CHD1L: variants seen among roughly 807,000 people sequenced by gnomAD.
CHD1L encodes the protein ATP-dependent chromatin remodeler CHD1L.
CHD1L carries 118 observed loss-of-function variants against 115.9 expected under a neutral mutation model. The ratio of observed to expected loss-of-function variants is 1.02; its 90% CI spans 0.88 to 1.19. The LOEUF is 1.19. Among genes scored for constraint, CHD1L ranks in the 50% most tolerant of loss-of-function variants. The pLI is 0.00. For synonymous variants in CHD1L, 411 were observed against 387.1 expected (o/e 1.06, Z -0.72); for missense variants, 1,179 against 1,065.3 (o/e 1.11, Z -1.49).
chr1:147,237,874 A>G (rs1049873690), upstream of CHD1L, among the ~76,000 whole-genome samples: 10 of 152,176 alleles, frequency 6.6e-5, no homozygotes, highest in Non-Finnish European at 1.0e-4. Context: ...AAGCAAAAAG[A>G]CCGTGGGCAA....
At chr1:147,287,805 A>G in intron 19 of CHD1L, 72 bp downstream of exon 19, 2 of 1,215,790 alleles carry the variant, frequency 1.6e-6, no homozygotes, top group Non-Finnish European at 2.4e-6. Flanking sequence ...CTGTATCGTG[A>G]GGGTTACACA....
chr1:147,198,368 C>T, the CHD1L span, among the ~76,000 whole-genome samples: 5,610 of 152,052 alleles, frequency 0.037, 155 homozygotes, highest in South Asian at 0.095. Context: ...CACTATATTA[C>T]AAAGGGAGGG....
chr1:147,283,033 C>G (rs892852605), intron 15 of CHD1L, among the ~76,000 whole-genome samples: 3 of 152,182 alleles, frequency 2.0e-5, no homozygotes, highest in Non-Finnish European at 4.4e-5. Flanking sequence ...AGACTAGTAA[C>G]TAACGTGGCC....
rs1671359709 is a variant in CHD1L, at chr1:147,259,929, A to C, written c.576+11A>C. The C allele has an allele frequency of 6.2e-7, 1 of 1,603,124 alleles. No individual in the cohort carries two copies. The highest frequency in any genetic ancestry group is 1.7e-5 in the Admixed American group (1 of 58,560). On this transcript the variant is annotated intron_variant, in intron 6 of 22. Coordinates refer to ENST00000369258, the MANE Select transcript of CHD1L (RefSeq NM_004284.6). ...AAGACCTTGTCAGAGGTAAACTTACAGTGTAGCCTTAGTTTTTATATAACC... is the reference window on the plus strand; with the variant it reads ...AAGACCTTGTCAGAGGTAAACTTACCGTGTAGCCTTAGTTTTTATATAACC...
In CHD1L at chr1:147,275,208, G is replaced by A. The variant is rs74121879; in HGVS notation, c.1271-146G>A. On this transcript the variant is annotated intron_variant, in intron 12 of 22. Transcript: ENST00000369258. ...CTCACCGCTGGAACAAGGCTTTGGA[G>A]TTAGGGGTGTGGGTCCATTTGAAGG... The A allele has an allele frequency of 5.1e-3, 3,401 of 663,126 alleles. 103 individuals carry two copies. In the African/African-American group the frequency reaches 0.055, roughly 11 times the overall value. 41.1% of individuals were successfully genotyped at this position (663,126 alleles called of 1,614,324 possible).
chr1:147,189,960 A>C, the CHD1L span, among the ~76,000 whole-genome samples: 1 of 152,090 alleles, frequency 6.6e-6, no homozygotes, highest in Non-Finnish European at 1.5e-5. Flanking sequence ...TAAACATATG[A>C]TTTTAGACAC....
At chr1:147,228,949 TTC>T in the CHD1L span, among the ~76,000 whole-genome samples, 2 of 152,062 alleles carry the variant, frequency 1.3e-5, no homozygotes, top group Non-Finnish European at 2.9e-5. Context: ...TTTTCTCCCA[TTC>T]GGTAGGTTGC....
At position 147,252,656 on chromosome 1, in the gene CHD1L, T is replaced by A. The variant is rs587755825; in HGVS notation, c.161T>A (p.Val54Glu). 7 of 1,613,912 alleles carry A rather than the reference T, an allele frequency of 4.3e-6. No individual in the cohort carries two copies. Among genetic ancestry groups the A allele is most frequent in the Non-Finnish European group, 5.9e-6 (7 of 1,180,016 alleles). ...CTACGCTCTTACCAGCTGGAGGGAG[T>A]AAACTGGCTCGCCCAGCGCTTCCAT... ...IHLRSYQLEGVNWLAQRFHCQ... is the reference protein window; with the variant it reads ...IHLRSYQLEGENWLAQRFHCQ... Residue 54 changes from valine (V) to glutamate (E), a missense_variant, in exon 2 of 23, where the codon GTA becomes GAA. Physicochemically the swap from Val to Glu is moderately radical, Grantham distance 121. Transcript: ENST00000369258.
chr1:147,242,657 A>T, upstream of CHD1L: 1 of 1,259,700 alleles, frequency 7.9e-7, no homozygotes, highest in Non-Finnish European at 1.0e-6. Flanking sequence ...GGAAGTTGGG[A>T]GGGAGGTGCG....
At position 147,287,691 on chromosome 1, in the gene CHD1L, G is replaced by A. The variant is rs782687350; in HGVS notation, c.2278G>A (p.Ala760Thr). Reference protein sequence around the residue: ...GLFTALEKRSAEPRKIYELAG... With the variant: ...GLFTALEKRSTEPRKIYELAG... The stretch of plus-strand genomic sequence containing the variant: ...ATTTACAGCTCTGGAAAAGCGATCC[G>A]CTGAGCCAAGAAAAATATATGAGCT... The change falls in exon 19 of 23, where the codon GCT becomes ACT. Residue 760 changes from alanine to threonine, a missense_variant. Ala to Thr is a moderately conservative substitution (Grantham distance 58). Transcript: ENST00000369258. 4.2e-5 allele frequency: 67 copies of A among 1,613,878 alleles called. No individual in the cohort carries two copies. The highest frequency in any genetic ancestry group is 8.0e-5 in the African/African-American group (6 of 74,884).
chr1:147,254,992 A>G lies in CHD1L; in HGVS notation c.347+16A>G, dbSNP rs1669610456. 2.6e-6 allele frequency: 4 copies of G among 1,528,174 alleles called. No individual in the cohort carries two copies. The highest frequency in any genetic ancestry group is 1.4e-5 in the African/African-American group (1 of 71,360). 94.7% of individuals were successfully genotyped at this position (1,528,174 alleles called of 1,614,324 possible). ...AAATGCAGAGGTACAGAGTAGATGT[A>G]GCTGAAATTTTATTGTTTATCTTGA... On this transcript the variant is annotated intron_variant, in intron 3 of 22. Coordinates refer to ENST00000369258, the MANE Select transcript of CHD1L (RefSeq NM_004284.6).
chr1:147,179,224 C>G, the CHD1L span: 427 of 1,613,590 alleles, frequency 2.6e-4, no homozygotes, highest in East Asian at 1.2e-3. Context: ...TGAACCTATC[C>G]CAGAGAGCAA....
At chr1:147,264,305 C>T in intron 6 of CHD1L, 117 bp from the exon 7 acceptor site, 2 of 909,276 alleles carry the variant, frequency 2.2e-6, no homozygotes, top group South Asian at 1.8e-5. Context: ...ATTTCATGTC[C>T]CCTCAGTCAT....
intron 18 of CHD1L, 76 bp downstream of exon 18, chr1:147,286,576 G>C: frequency 7.4e-7 from 1 of 1,349,858 alleles, no homozygotes; most frequent in African/African-American, 1.4e-5. Flanking sequence ...ATGGGGCACT[G>C]GGACTGGGGT....
At chr1:147,277,419 A>C (rs972608319) in intron 14 of CHD1L, among the ~76,000 whole-genome samples, 8 of 152,218 alleles carry the variant, frequency 5.3e-5, no homozygotes, top group African/African-American at 1.9e-4. Context: ...AGGCCAGTGC[A>C]TATCTTTACA....
intron 5 of CHD1L, 31 bp from the exon 6 acceptor site, chr1:147,259,806 C>G: frequency 6.3e-7 from 1 of 1,579,908 alleles, no homozygotes; most frequent in East Asian, 2.2e-5. Context: ...TTAAATTACA[C>G]AAAACTGAAA....
At chr1:147,277,732 C>T (rs1276134965) in intron 14 of CHD1L, among the ~76,000 whole-genome samples, 3 of 152,184 alleles carry the variant, frequency 2.0e-5, no homozygotes, top group Admixed American at 1.3e-4. Context: ...GGTAGAGGTA[C>T]GCTGTAGATA....
intron 14 of CHD1L, among the ~76,000 whole-genome samples, chr1:147,276,644 A>G (rs1401093561): frequency 6.6e-6 from 1 of 152,202 alleles, no homozygotes; most frequent in Non-Finnish European, 1.5e-5. Flanking sequence ...ACATTACTTC[A>G]TACTCAGAAG....
rs1553976361 is a variant in CHD1L at position 147,295,495 on chromosome 1, C to G, written c.2680C>G (p.Gln894Glu). ...ACAGTCTTCATCTTCCTCCTCAAGA[C>G]AGCTGGTGCCTTAAGAATTGGCCCA... ...HSQSSSSSSR[Q>E]LVP The change falls in exon 23 of 23, where the codon CAG (glutamine) becomes GAG (glutamate). Residue 894 changes from glutamine (Q) to glutamate (E), a missense_variant. Transcript: ENST00000369258. 1.2e-6 allele frequency: 2 copies of G among 1,609,888 alleles called. No individual in the cohort carries two copies. Among genetic ancestry groups the G allele is most frequent in the Admixed American group, 3.3e-5 (2 of 59,820 alleles).
Sources: gnomAD v4.1 joint callset for allele counts (sites outside exome capture counted in the v4.1 genomes callset) on GRCh38, gnomAD v4.1.1 for gene constraint, MANE v1.5 for transcripts, NCBI Gene and HGNC (gene_info 2026-07-23, HGNC 2026-07-21) for gene names.